CIAO2A: variants seen among roughly 807,000 people sequenced by gnomAD.
CIAO2A encodes MIP18 family protein FAM96A.
Under a neutral mutation model 22.4 loss-of-function variants are expected in CIAO2A, and 17 were observed. The ratio of observed to expected loss-of-function variants is 0.76; its 90% CI spans 0.52 to 1.14. The LOEUF is 1.14. CIAO2A is among the 50% of genes most tolerant of loss of function. The probability of loss-of-function intolerance (pLI) is 0.00; values close to 1 mark genes in which losing one functional copy is unlikely to be tolerated. For missense variants in CIAO2A, 192 were observed against 191.4 expected (o/e 1.00, Z -0.02); for synonymous variants, 74 against 72.3 (o/e 1.02, Z -0.12).
At chr15:64,086,709 G>C (rs1315859275) in intron 2 of CIAO2A, among the ~76,000 whole-genome samples, 1 of 150,854 alleles carries the variant, frequency 6.6e-6, no homozygotes, top group Non-Finnish European at 1.5e-5. Flanking sequence ...CACCTCCCAT[G>C]TTCAAGCGAT....
At chr15:64,093,050 T>C (rs1243572070) in intron 1 of CIAO2A, among the ~76,000 whole-genome samples, 1 of 152,236 alleles carries the variant, frequency 6.6e-6, no homozygotes, top group Non-Finnish European at 1.5e-5. Flanking sequence ...AAATATTTAA[T>C]ATGCAACATG....
At chr15:64,073,065 G>C (rs761057048) in intron 4 of CIAO2A, 37 bp from the exon 5 acceptor site, 1 of 1,400,846 alleles carries the variant, frequency 7.1e-7, no homozygotes, top group South Asian at 1.2e-5. Flanking sequence ...CAGAAGAACT[G>C]TGTCAATATA....
At chr15:64,089,275 C>A (rs1230129918) in intron 1 of CIAO2A, among the ~76,000 whole-genome samples, 3 of 152,088 alleles carry the variant, frequency 2.0e-5, no homozygotes, top group African/African-American at 7.2e-5. Context: ...GTAAACCAAC[C>A]ACTTTGAGAG....
At chr15:64,076,489 T>C (rs1022502225) in intron 3 of CIAO2A, among the ~76,000 whole-genome samples, 1 of 152,180 alleles carries the variant, frequency 6.6e-6, no homozygotes, top group Non-Finnish European at 1.5e-5. Context: ...GCTGCACCTA[T>C]AGACATGAGC....
chr15:64,077,701 C>A (rs1285705841), intron 3 of CIAO2A, among the ~76,000 whole-genome samples: 1 of 152,078 alleles, frequency 6.6e-6, no homozygotes, highest in Non-Finnish European at 1.5e-5. Flanking sequence ...ATATCAAGAT[C>A]ATGAAATAAA....
chr15:64,072,753 G>A lies in CIAO2A; in HGVS notation c.*178C>T. 2.1e-6 allele frequency: 1 copy of A among 467,992 alleles called. No individual in the cohort carries two copies. The highest frequency in any genetic ancestry group is 4.2e-5 in the South Asian group (1 of 23,574). The allele number at this position is 467,992 out of a possible 1,614,324, so 29.0% of individuals were successfully genotyped here. ...TTTAAGTGTTACAAATCCTGAGAAT[G>A]TTATACATTGAACAAATTAGGTACT... On this transcript the variant is annotated 3_prime_UTR_variant, in exon 5 of 5. Transcript: ENST00000300030.
At chr15:64,092,425 A>C (rs1039390966) in intron 1 of CIAO2A, among the ~76,000 whole-genome samples, 1 of 152,134 alleles carries the variant, frequency 6.6e-6, no homozygotes, top group African/African-American at 2.4e-5. Flanking sequence ...TCAGTCAGAG[A>C]CTAGTATCTC....
At chr15:64,083,258 G>A (rs2140110872) in intron 2 of CIAO2A, among the ~76,000 whole-genome samples, 1 of 151,840 alleles carries the variant, frequency 6.6e-6, no homozygotes, top group South Asian at 2.1e-4. Context: ...TCATTTTACA[G>A]CCAAGAAACC....
At chr15:64,082,788 G>T (rs2080766947) in intron 2 of CIAO2A, among the ~76,000 whole-genome samples, 1 of 152,090 alleles carries the variant, frequency 6.6e-6, no homozygotes, top group South Asian at 2.1e-4. Flanking sequence ...CCTCAAGAGA[G>T]GTAGTACAGC....
rs1323078128 is a variant in CIAO2A at position 64,072,874 on chromosome 15, A to G, written c.*57T>C. 1.7e-6 allele frequency: 2 copies of G among 1,152,944 alleles called. No homozygotes were observed. The highest frequency in any genetic ancestry group is 2.3e-4 in the Middle Eastern group (1 of 4,382). The allele number at this position is 1,152,944 out of a possible 1,614,324, so 71.4% of individuals were successfully genotyped here. A position where few individuals can be genotyped will look rare whatever the true frequency, so the allele number is the denominator to read the frequency against. ...TAAACATGAGTCTCTGACATTATAC[A>G]AAGAGTTTAAACAAATATATCAAAC... On this transcript the variant is annotated 3_prime_UTR_variant, in exon 5 of 5. Transcript: ENST00000300030.
At chr15:64,092,113 T>C (rs2080844695) in intron 1 of CIAO2A, among the ~76,000 whole-genome samples, 1 of 151,374 alleles carries the variant, frequency 6.6e-6, no homozygotes, top group Non-Finnish European at 1.5e-5. Flanking sequence ...CTCCTCATAT[T>C]ACTCCCCACA....
intron 3 of CIAO2A, among the ~76,000 whole-genome samples, chr15:64,078,679 C>T (rs918211757): frequency 2.0e-5 from 3 of 150,366 alleles, no homozygotes; most frequent in African/African-American, 7.3e-5. Flanking sequence ...AGTTGACAGT[C>T]CAGGAGGGAA....
rs986233803 is a variant in CIAO2A, at chr15:64,088,718, T to C, written c.258A>G (p.Thr86=). 3.7e-6 allele frequency: 6 copies of C among 1,613,718 alleles called. No homozygotes were observed. The Middle Eastern group carries it at 6.6e-4, about 177-fold the overall frequency. ...GAGTCGCCAAAGAGCAATGAGGTAC[T>C]GTTGGCGTGAACCTGATAATAACCA... The part of the protein sequence containing the change: ...EYLVIIRFTP[T]VPHCSLATLI... The change falls in exon 2 of 5, where the codon ACA becomes ACG. Residue 86 remains threonine, a synonymous_variant. Transcript: ENST00000300030.
At chr15:64,087,661 C>T (rs2080808347) in intron 2 of CIAO2A, among the ~76,000 whole-genome samples, 1 of 152,216 alleles carries the variant, frequency 6.6e-6, no homozygotes, top group Admixed American at 6.5e-5. Context: ...ACAGAAATCA[C>T]AATAGTGGAA....
chr15:64,078,860 AT>A (rs2080740182), intron 3 of CIAO2A, among the ~76,000 whole-genome samples: 1 of 152,128 alleles, frequency 6.6e-6, no homozygotes, highest in Admixed American at 6.5e-5. Flanking sequence ...CTTGGGCAAC[AT>A]AGTGAGACTC....
At position 64,088,581 on chromosome 15, in the gene CIAO2A, C is replaced by T. The variant is rs147993063; in HGVS notation, c.289+106G>A. ...TGTAAACCATAAAGTGTAATACATA[C>T]ACTGTATGGTTTTTCAACAATGATG... On this transcript the variant is annotated intron_variant, in intron 2 of 4. Coordinates refer to ENST00000300030, the MANE Select transcript of CIAO2A (RefSeq NM_032231.7). The T allele has an allele frequency of 5.4e-4, 474 of 871,278 alleles. 2 individuals carry two copies. The African/African-American group carries it at 6.7e-3, about 12-fold the overall frequency. The allele number at this position is 871,278 out of a possible 1,614,324, so 54.0% of individuals were successfully genotyped here.
intron 4 of CIAO2A, chr15:64,074,413 A>G (rs1274300271): frequency 1.3e-5 from 2 of 152,256 alleles, no homozygotes; most frequent in African/African-American, 2.4e-5. Context: ...ACTAAATGAA[A>G]AACAAGACTC....
intron 3 of CIAO2A, among the ~76,000 whole-genome samples, chr15:64,078,214 AT>A (rs2080732917): frequency 6.6e-6 from 1 of 152,244 alleles, no homozygotes; most frequent in Admixed American, 6.5e-5. Flanking sequence ...ACAGGGCATC[AT>A]AAACCACTAG....
At chr15:64,076,986 G>T (rs915367955) in intron 3 of CIAO2A, among the ~76,000 whole-genome samples, 1 of 152,028 alleles carries the variant, frequency 6.6e-6, no homozygotes, top group African/African-American at 2.4e-5. Context: ...GATTATAGGC[G>T]TGAGCCACTG....
Sources: allele counts gnomAD v4.1 joint callset (sites outside exome capture counted in the v4.1 genomes callset), GRCh38; gene constraint gnomAD v4.1.1; transcripts MANE v1.5; gene names NCBI Gene and HGNC (gene_info 2026-07-23, HGNC 2026-07-21).